CXXC4: variants seen among roughly 807,000 people sequenced by gnomAD.
CXXC4 encodes the protein CXXC finger protein 4.
In CXXC4, 5 loss-of-function variants were observed where a neutral mutation model predicts 20.5. The ratio of observed to expected loss-of-function variants is 0.24; its 90% confidence interval spans 0.13 to 0.51. The LOEUF is 0.51. CXXC4 is among the 20% of genes least tolerant of loss of function. CXXC4 has a pLI of 0.97. For synonymous variants in CXXC4, 250 were observed against 216.4 expected (o/e 1.16, Z -1.36); for missense variants, 419 against 496.4 (o/e 0.84, Z 1.48).
At chr4:104,473,329 T>C (rs1370275178) in intron 2 of CXXC4, among the ~76,000 whole-genome samples, 1 of 151,866 alleles carries the variant, frequency 6.6e-6, no homozygotes, top group Non-Finnish European at 1.5e-5. Flanking sequence ...AACTACCCTA[T>C]TGAATTGTAA....
At position 104,491,240 on chromosome 4, in the gene CXXC4, G is replaced by C; in HGVS notation, c.563C>G (p.Pro188Arg). The change falls in exon 2 of 3, where the codon CCG becomes CGG. Residue 188 changes from proline to arginine, a missense_variant. Physicochemically the swap from Pro to Arg is moderately radical, Grantham distance 103. Coordinates refer to ENST00000394767, the MANE Select transcript of CXXC4 (RefSeq NM_025212.4). Reference sequence around the variant, plus strand: ...ATTAGTATTTGCCATTTGCAACGACGGCTCTGGCGGGCAGCCAGCTTTCCC... The same window carrying C: ...ATTAGTATTTGCCATTTGCAACGACCGCTCTGGCGGGCAGCCAGCTTTCCC... ...RLGKAGCPPE[P>R]SLQMANTNFL... The C allele has an allele frequency of 1.9e-6, 3 of 1,612,964 alleles. No individual in the cohort carries two copies. Among genetic ancestry groups the C allele is most frequent in the Non-Finnish European group, 2.5e-6 (3 of 1,179,860 alleles).
intron 2 of CXXC4, among the ~76,000 whole-genome samples, chr4:104,479,436 A>G (rs1736499894): frequency 6.6e-6 from 1 of 152,098 alleles, no homozygotes; most frequent in African/African-American, 2.4e-5. Flanking sequence ...TCTTAATTAC[A>G]TAAAAGTGAA....
At chr4:104,485,734 A>G (rs1736671920) in intron 2 of CXXC4, among the ~76,000 whole-genome samples, 1 of 152,120 alleles carries the variant, frequency 6.6e-6, no homozygotes, top group Non-Finnish European at 1.5e-5. Context: ...ACAATGTTCC[A>G]ACTGGAGCAA....
At chr4:104,477,929 C>T (rs1345953331) in intron 2 of CXXC4, among the ~76,000 whole-genome samples, 1 of 151,848 alleles carries the variant, frequency 6.6e-6, no homozygotes, top group Non-Finnish European at 1.5e-5. Context: ...GGTCTTTATC[C>T]AAATATAAAT....
At chr4:104,475,947 G>T (rs1032038439) in intron 2 of CXXC4, among the ~76,000 whole-genome samples, 4 of 152,084 alleles carry the variant, frequency 2.6e-5, no homozygotes, top group Non-Finnish European at 5.9e-5. Context: ...CTCCCAGGAG[G>T]CCTGTGGAGA....
rs1181581550 is a variant in CXXC4 at position 104,469,099 on chromosome 4, G to T, written c.*3223C>A. On this transcript the variant is annotated 3_prime_UTR_variant, in exon 3 of 3. Transcript: ENST00000394767. ...TTTATATACTCCTACAGTGGGGGAA[G>T]ACTTCCTATTTTCTTTCCCAAGGAT... The T allele has an allele frequency of 5.3e-5, 8 of 152,062 alleles. No homozygotes were observed. Among genetic ancestry groups the T allele is most frequent in the Non-Finnish European group, 4.4e-5 (3 of 67,990 alleles). 9.4% of individuals were successfully genotyped at this position (152,062 alleles called of 1,614,324 possible). A position where few individuals can be genotyped will look rare whatever the true frequency, so the allele number is the denominator to read the frequency against.
intron 2 of CXXC4, 39 bp downstream of exon 2, chr4:104,490,705 A>AG (rs760498921): frequency 1.4e-4 from 207 of 1,531,400 alleles, no homozygotes; most frequent in African/African-American, 1.8e-4. Flanking sequence ...TGAGGAGGGA[A>AG]GGGGGGAGAC....
At chr4:104,474,043 T>A (rs191039145) in intron 2 of CXXC4, among the ~76,000 whole-genome samples, 43 of 152,078 alleles carry the variant, frequency 2.8e-4, no homozygotes, top group South Asian at 4.1e-4. Context: ...TAAAAGACTG[T>A]CCTCATCACA....
intron 2 of CXXC4, among the ~76,000 whole-genome samples, chr4:104,481,347 T>A (rs1364785499): frequency 6.6e-6 from 1 of 152,066 alleles, no homozygotes; most frequent in African/African-American, 2.4e-5. Context: ...CTGGCCAACA[T>A]GGTGAAACCC....
rs1413754856 is a variant in CXXC4 at position 104,469,133 on chromosome 4, T to C, written c.*3189A>G. 6.6e-6 allele frequency: 1 copy of C among 152,018 alleles called. No homozygotes were observed. Among genetic ancestry groups the C allele is most frequent in the African/African-American group, 2.4e-5 (1 of 41,416 alleles). 9.4% of individuals were successfully genotyped at this position (152,018 alleles called of 1,614,324 possible). A position where few individuals can be genotyped will look rare whatever the true frequency, so the allele number is the denominator to read the frequency against. On this transcript the variant is annotated 3_prime_UTR_variant, in exon 3 of 3. Transcript: ENST00000394767. Reference sequence around the variant, plus strand: ...TTTTCTTTCCCAAGGATGGATACATTTCTACTTTGAATCTGACTCCACTTG... The same window carrying C: ...TTTTCTTTCCCAAGGATGGATACATCTCTACTTTGAATCTGACTCCACTTG...
intron 2 of CXXC4, among the ~76,000 whole-genome samples, chr4:104,488,341 G>A (rs1253060827): frequency 6.6e-6 from 1 of 152,190 alleles, no homozygotes; most frequent in Non-Finnish European, 1.5e-5. Flanking sequence ...TGTAAGCCCT[G>A]TCACTCTGAC....
intron 1 of CXXC4, among the ~76,000 whole-genome samples, chr4:104,493,050 G>GC (rs1053384891): frequency 1.4e-5 from 2 of 143,732 alleles, no homozygotes; most frequent in African/African-American, 5.0e-5. Flanking sequence ...TGAGTAAAAG[G>GC]GGGGGGGGCT....
chr4:104,479,144 A>G (rs1736493562), intron 2 of CXXC4, among the ~76,000 whole-genome samples: 1 of 152,106 alleles, frequency 6.6e-6, no homozygotes. Flanking sequence ...AAGTGGTTGG[A>G]CAATTTTGAA....
chr4:104,491,453 C>T lies in CXXC4; in HGVS notation c.350G>A (p.Gly117Asp). Reference protein sequence around the residue: ...SGGGGGGGGGGGGGGGGGGGG... With the variant: ...SGGGGGGGGGDGGGGGGGGGG... ...TCCGCCGCCGCCGCCGCCGCCGCCA[C>T]CCCCCCCGCCGCCGCCCCCGCCCCC... The change falls in exon 2 of 3, where the codon GGT (glycine) becomes GAT (aspartate). Residue 117 changes from glycine (G) to aspartate (D), a missense_variant. Transcript: ENST00000394767. 1.2e-6 allele frequency: 1 copy of T among 848,692 alleles called. No individual in the cohort carries two copies. Among genetic ancestry groups the T allele is most frequent in the Non-Finnish European group, 1.5e-6 (1 of 685,574 alleles). 52.6% of individuals were successfully genotyped at this position (848,692 alleles called of 1,614,324 possible).
intron 2 of CXXC4, among the ~76,000 whole-genome samples, chr4:104,489,891 C>A (rs549408976): frequency 6.6e-6 from 1 of 152,302 alleles, no homozygotes; most frequent in African/African-American, 2.4e-5. Context: ...TCAACCAAAA[C>A]TGTGCTTGGT....
chr4:104,482,551 T>C (rs778596536), intron 2 of CXXC4, among the ~76,000 whole-genome samples: 4 of 152,130 alleles, frequency 2.6e-5, no homozygotes, highest in Non-Finnish European at 4.4e-5. Context: ...TCACCACTTA[T>C]CTAATTTAAT....
chr4:104,479,736 CTTCT>C (rs141255013), intron 2 of CXXC4, among the ~76,000 whole-genome samples: 2,141 of 150,412 alleles, frequency 0.014, 28 homozygotes, highest in South Asian at 0.027. Flanking sequence ...TCTCTCCCTC[CTTCT>C]TTCTTTTTCC....
In CXXC4 at chr4:104,491,065, T is replaced by C; in HGVS notation, c.738A>G (p.Ser246=). 3 of 1,613,820 alleles carry C rather than the reference T, an allele frequency of 1.9e-6. No individual in the cohort carries two copies. Among genetic ancestry groups the C allele is most frequent in the Non-Finnish European group, 2.5e-6 (3 of 1,179,952 alleles). ...FSAIPALGGI[S]LPPGVIVMTA... Reference sequence around the variant, plus strand: ...TCATGACGATGACCCCTGGAGGTAATGAGATGCCCCCTAAAGCCGGGATAG... The same window carrying C: ...TCATGACGATGACCCCTGGAGGTAACGAGATGCCCCCTAAAGCCGGGATAG... Residue 246 remains serine, a synonymous_variant, in exon 2 of 3, where the codon TCA becomes TCG. Transcript: ENST00000394767.
Position 104,491,049 on chromosome 4 carries a change from T to C in CXXC4, c.754A>G (p.Ile252Val). ...GGGGAGTGAAGGGCTGTCATGACGA[T>C]GACCCCTGGAGGTAATGAGATGCCC... ...LGGISLPPGV[I>V]VMTALHSPAA... is the part of the protein sequence containing the mutation. Residue 252 changes from isoleucine (I) to valine (V), a missense_variant, in exon 2 of 3, where the codon ATC becomes GTC. By Grantham distance (29) the Ile-to-Val change is conservative. Around this residue, in one of 3 missense-constraint regions of CXXC4, gnomAD observed 388 missense variants for 416.0 expected, o/e 0.93. Transcript: ENST00000394767. The C allele has an allele frequency of 6.2e-7, 1 of 1,613,988 alleles. No homozygotes were observed. The highest frequency in any genetic ancestry group is 1.1e-5 in the South Asian group (1 of 91,072).
Sources: gnomAD v4.1 joint callset for allele counts (sites outside exome capture counted in the v4.1 genomes callset) on GRCh38, gnomAD v4.1.1 for gene constraint, gnomAD v4.1.1 regional missense constraint, MANE v1.5 for transcripts, NCBI Gene and HGNC (gene_info 2026-07-23, HGNC 2026-07-21) for gene names.